The following TSC22D1 variants were observed in gnomAD, a reference collection of about 807,000 sequenced individuals.
The protein encoded by TSC22D1 is TSC22 domain family member 1.
TSC22D1 carries 9 observed loss-of-function variants against 74.2 expected under a neutral mutation model. The observed-to-expected ratio is 0.12, with a 90% CI of 0.07 to 0.21. The LOEUF (loss-of-function observed/expected upper bound fraction) is 0.21, where lower values mean the gene tolerates loss of function less well. Ranked by LOEUF, TSC22D1 falls within the 10% of genes least tolerant of loss-of-function variation. The probability of loss-of-function intolerance (pLI) is 1.00; values close to 1 mark genes in which losing one functional copy is unlikely to be tolerated. For synonymous variants in TSC22D1, 586 were observed against 492.5 expected (o/e 1.19, Z -2.51); for missense variants, 1,427 against 1,304.7 (o/e 1.09, Z -1.44).
chr13:44,486,345 T>C (rs879311534), intron 1 of TSC22D1, among the ~76,000 whole-genome samples: 2 of 152,250 alleles, frequency 1.3e-5, no homozygotes, highest in East Asian at 1.9e-4. Flanking sequence ...AAAGGTGGAA[T>C]AACCTTGTTA....
chr13:44,481,601 C>T (rs1345032984), intron 1 of TSC22D1, among the ~76,000 whole-genome samples: 1 of 152,200 alleles, frequency 6.6e-6, no homozygotes, highest in Non-Finnish European at 1.5e-5. Context: ...ATCTACTATG[C>T]TCAGGAACAA....
chr13:44,436,111 GA>G lies in TSC22D1; in HGVS notation c.2913-17del. 1.2e-6 allele frequency: 2 copies of G among 1,605,552 alleles called. No homozygotes were observed. Among genetic ancestry groups the G allele is most frequent in the Non-Finnish European group, 1.7e-6 (2 of 1,177,008 alleles). On this transcript the variant is annotated splice_polypyrimidine_tract_variant and intron_variant, in intron 1 of 2. Coordinates refer to ENST00000458659, the MANE Select transcript of TSC22D1 (RefSeq NM_183422.4). Reference sequence around the variant, plus strand: ...ACCAGAGGAGCTGAAAAAGAGGAGGGAAAAAGGTCATCGATAAATGGAATTT... The same window carrying G: ...ACCAGAGGAGCTGAAAAAGAGGAGGGAAAAGGTCATCGATAAATGGAATTT...
Position 44,512,448 on chromosome 13 carries a change from T to C in TSC22D1, c.2912+60715A>G, listed in dbSNP as rs112376614. On this transcript the variant is annotated intron_variant, in intron 1 of 2. Transcript: ENST00000458659. ...CCTCCCAAAGTGCTGGGATTACAGG[T>C]GTGAGCCACCGCGCCCAGCCTTGGA... 1.5e-3 allele frequency among the ~76,000 whole-genome samples: 219 copies of C among 151,002 alleles called. 2 individuals carry two copies. In the East Asian group the frequency reaches 0.019, roughly 13 times the overall value.
In TSC22D1 at chr13:44,574,546, GGTTGTTGCTGTT is replaced by G; in HGVS notation, c.1517_1528del (p.Gln506_Gln509del). 6.2e-7 allele frequency: 1 copy of G among 1,613,970 alleles called. No homozygotes were observed. Among genetic ancestry groups the G allele is most frequent in the East Asian group, 2.2e-5 (1 of 44,886 alleles). On this transcript the variant is annotated inframe_deletion, in exon 1 of 3. Transcript: ENST00000458659. ...TTGGAGGGTCACACCTTGGAGAGCT[GGTTGTTGCTGTT>G]GTTGTTGTTGTTGCTGCTGCTGCTG... is the stretch of plus-strand genomic sequence containing the variant.
intron 1 of TSC22D1, among the ~76,000 whole-genome samples, chr13:44,529,305 T>C (rs1327884774): frequency 3.3e-5 from 5 of 151,972 alleles, no homozygotes; most frequent in Non-Finnish European, 7.4e-5. Context: ...ACTACATCAA[T>C]AGGCTAAAGA....
In TSC22D1 at chr13:44,434,283, G is replaced by A. The variant is rs562031757; in HGVS notation, c.*343C>T. On this transcript the variant is annotated 3_prime_UTR_variant, in exon 3 of 3. Transcript: ENST00000458659. Reference sequence around the variant, plus strand: ...GGACACTAAGCGCAAGCAGGAGAGAGAACCCTTGGAAGTGAGGGGTAGGGA... The same window carrying A: ...GGACACTAAGCGCAAGCAGGAGAGAAAACCCTTGGAAGTGAGGGGTAGGGA... The A allele has an allele frequency of 1.5e-4, 212 of 1,385,018 alleles. No individual in the cohort carries two copies. The East Asian group carries it at 3.9e-3, about 25-fold the overall frequency. 85.8% of individuals were successfully genotyped at this position (1,385,018 alleles called of 1,614,324 possible).
chr13:44,515,700 G>A (rs1427431976), intron 1 of TSC22D1, among the ~76,000 whole-genome samples: 1 of 152,216 alleles, frequency 6.6e-6, no homozygotes. Context: ...GCCTCCCAAA[G>A]TGCTGGGATT....
Position 44,573,827 on chromosome 13 carries a change from G to C in TSC22D1, c.2248C>G (p.Pro750Ala), listed in dbSNP as rs202131931. 5 of 1,614,220 alleles carry C rather than the reference G, an allele frequency of 3.1e-6. No homozygotes were observed. The highest frequency in any genetic ancestry group is 4.2e-6 in the Non-Finnish European group (5 of 1,180,034). The change falls in exon 1 of 3, where the codon CCA becomes GCA. Residue 750 changes from proline to alanine, a missense_variant. Coordinates refer to ENST00000458659, the MANE Select transcript of TSC22D1 (RefSeq NM_183422.4). ...GCACCCTGCTGAATAACTGAAGGTGGAACCTGGGTAGAGGGCTGCTGCACT... is the reference window on the plus strand; with the variant it reads ...GCACCCTGCTGAATAACTGAAGGTGCAACCTGGGTAGAGGGCTGCTGCACT... Reference protein sequence around the residue: ...TAVQQPSTQVPPSVIQQGAPP... With the variant: ...TAVQQPSTQVAPSVIQQGAPP...
chr13:44,497,709 CCT>C (rs1879037890), intron 1 of TSC22D1, among the ~76,000 whole-genome samples: 4 of 152,258 alleles, frequency 2.6e-5, no homozygotes, highest in African/African-American at 9.6e-5. Flanking sequence ...TGATTTTCCC[CCT>C]TTTTCCTTTG....
chr13:44,456,150 G>A (rs999958686), intron 1 of TSC22D1, among the ~76,000 whole-genome samples: 2 of 152,208 alleles, frequency 1.3e-5, no homozygotes, highest in East Asian at 1.9e-4. Context: ...GAGTGTTACA[G>A]CTCAGCTCAT....
intron 1 of TSC22D1, among the ~76,000 whole-genome samples, chr13:44,551,313 GT>G (rs759268559): frequency 0.016 from 2,274 of 139,064 alleles, 50 homozygotes; most frequent in African/African-American, 0.059. Context: ...AGCTGGGGGT[GT>G]GTGTGTGTGT....
chr13:44,520,435 G>A (rs1566151105), intron 1 of TSC22D1, among the ~76,000 whole-genome samples: 1 of 152,186 alleles, frequency 6.6e-6, no homozygotes, highest in Non-Finnish European at 1.5e-5. Flanking sequence ...AGAGGTGGAA[G>A]CAAGATTCAA....
intron 1 of TSC22D1, among the ~76,000 whole-genome samples, chr13:44,570,811 A>G (rs545194333): frequency 1.3e-5 from 2 of 152,204 alleles, no homozygotes; most frequent in Non-Finnish European, 2.9e-5. Context: ...AGAAGCTACC[A>G]TGGGAAGAAA....
At chr13:44,525,795 C>CAAAA (rs59399056) in intron 1 of TSC22D1, among the ~76,000 whole-genome samples, 2 of 88,562 alleles carry the variant, frequency 2.3e-5, no homozygotes, top group Non-Finnish European at 5.1e-5. Flanking sequence ...TAGCTTTTAA[C>CAAAA]AAAAAAAAAA....
chr13:44,485,503 T>C (rs1015513268), intron 1 of TSC22D1, among the ~76,000 whole-genome samples: 2 of 152,120 alleles, frequency 1.3e-5, no homozygotes, highest in Non-Finnish European at 2.9e-5. Context: ...AGATTACCTT[T>C]CTAATTAGAA....
At chr13:44,571,504 T>C (rs553303228) in intron 1 of TSC22D1, among the ~76,000 whole-genome samples, 2 of 152,308 alleles carry the variant, frequency 1.3e-5, no homozygotes, top group East Asian at 1.9e-4. Flanking sequence ...TACAAAATCA[T>C]GGCAAGTTTG....
In TSC22D1 at chr13:44,576,240, G is replaced by T; in HGVS notation, c.-166C>A. Reference sequence around the variant, plus strand: ...AGGCGCCGGTCGCTCCTGCCTTCGAGAGCGAGCTTCGGAAAGGAGGATGAA... The same window carrying T: ...AGGCGCCGGTCGCTCCTGCCTTCGATAGCGAGCTTCGGAAAGGAGGATGAA... On this transcript the variant is annotated 5_prime_UTR_variant, in exon 1 of 3. Transcript: ENST00000458659. 1 of 1,030,034 alleles carries T rather than the reference G, an allele frequency of 9.7e-7. No individual in the cohort carries two copies. Among genetic ancestry groups the T allele is most frequent in the Non-Finnish European group, 1.4e-6 (1 of 735,626 alleles). The allele number at this position is 1,030,034 out of a possible 1,614,324, so 63.8% of individuals were successfully genotyped here. A position where few individuals can be genotyped will look rare whatever the true frequency, so the allele number is the denominator to read the frequency against.
At chr13:44,548,854 T>C (rs1367885027) in intron 1 of TSC22D1, among the ~76,000 whole-genome samples, 1 of 152,174 alleles carries the variant, frequency 6.6e-6, no homozygotes, top group Non-Finnish European at 1.5e-5. Context: ...TTGATTTGCA[T>C]AACAAATATA....
intron 1 of TSC22D1, among the ~76,000 whole-genome samples, chr13:44,458,746 A>G (rs1489916385): frequency 6.6e-6 from 1 of 152,166 alleles, no homozygotes; most frequent in Non-Finnish European, 1.5e-5. Flanking sequence ...AGTTATGGCC[A>G]AGCCTGGGCG....
Sources: gnomAD v4.1 joint callset for allele counts (sites outside exome capture counted in the v4.1 genomes callset) on GRCh38, gnomAD v4.1.1 for gene constraint, MANE v1.5 for transcripts, NCBI Gene and HGNC (gene_info 2026-07-23, HGNC 2026-07-21) for gene names.